Variants in JAKMIP2 observed in about 807,000 individuals in gnomAD.
JAKMIP2 encodes janus kinase and microtubule-interacting protein 2.
In JAKMIP2, 25 loss-of-function variants were observed where a neutral mutation model predicts 115.0. The ratio of observed to expected loss-of-function variants is 0.22; its 90% CI spans 0.16 to 0.30. The LOEUF (loss-of-function observed/expected upper bound fraction) is 0.30. JAKMIP2 is among the 10% of genes least tolerant of loss of function. JAKMIP2 has a pLI of 1.00. For missense variants in JAKMIP2, 642 were observed against 957.6 expected (o/e 0.67, Z 4.35); for synonymous variants, 334 against 343.6 (o/e 0.97, Z 0.31).
intron 1 of JAKMIP2, among the ~76,000 whole-genome samples, chr5:147,726,528 A>G (rs1210236845): frequency 2.0e-5 from 3 of 152,210 alleles, no homozygotes; most frequent in African/African-American, 4.8e-5. Flanking sequence ...TAAAGTTTTG[A>G]TTAATGGGAA....
At chr5:147,660,426 A>T (rs1336100289) in intron 3 of JAKMIP2, 1 of 450,194 alleles carries the variant, frequency 2.2e-6, no homozygotes, top group Admixed American at 2.4e-5. Flanking sequence ...ATGACTAGGG[A>T]TTTTATCATT....
chr5:147,694,257 G>A (rs1212576860), intron 1 of JAKMIP2, among the ~76,000 whole-genome samples: 1 of 152,052 alleles, frequency 6.6e-6, no homozygotes, highest in Non-Finnish European at 1.5e-5. Flanking sequence ...ATCCATTTTG[G>A]CTAGAGAGGA....
intron 4 of JAKMIP2, among the ~76,000 whole-genome samples, chr5:147,649,136 C>T (rs1034200260): frequency 6.6e-6 from 1 of 152,148 alleles, no homozygotes; most frequent in African/African-American, 2.4e-5. Flanking sequence ...TTATATAAGA[C>T]TGTTATTATC....
chr5:147,747,560 A>C (rs1051092353), intron 1 of JAKMIP2, among the ~76,000 whole-genome samples: 3 of 152,126 alleles, frequency 2.0e-5, no homozygotes, highest in Non-Finnish European at 4.4e-5. Context: ...TCACATAAAC[A>C]AATTCCATAG....
At chr5:147,633,709 T>TTC (rs928265310) in intron 12 of JAKMIP2, among the ~76,000 whole-genome samples, 6 of 151,726 alleles carry the variant, frequency 4.0e-5, no homozygotes, top group African/African-American at 1.5e-4. Context: ...TTTTTTTTTT[T>TTC]TTTGAGATGA....
At chr5:147,599,146 T>C (rs1306434609) in intron 21 of JAKMIP2, among the ~76,000 whole-genome samples, 1 of 152,218 alleles carries the variant, frequency 6.6e-6, no homozygotes, top group African/African-American at 2.4e-5. Flanking sequence ...TAATTTTGAA[T>C]TCAGTAAATG....
chr5:147,731,406 C>T (rs1217907004), intron 1 of JAKMIP2, among the ~76,000 whole-genome samples: 2 of 152,126 alleles, frequency 1.3e-5, no homozygotes, highest in Non-Finnish European at 2.9e-5. Context: ...CAGGTCTGGA[C>T]AATAAATTAT....
intron 2 of JAKMIP2, among the ~76,000 whole-genome samples, chr5:147,667,598 G>T (rs181341121): frequency 1.3e-5 from 2 of 152,270 alleles, no homozygotes; most frequent in East Asian, 3.9e-4. Flanking sequence ...ACAGTAAACT[G>T]GCAGGGATTT....
At chr5:147,729,634 C>T (rs371530599) in intron 1 of JAKMIP2, among the ~76,000 whole-genome samples, 1 of 151,770 alleles carries the variant, frequency 6.6e-6, no homozygotes, top group Non-Finnish European at 1.5e-5. Context: ...ATTAGCCGGG[C>T]GTGGTGGCGG....
At chr5:147,755,778 G>A (rs748236547) in intron 1 of JAKMIP2, among the ~76,000 whole-genome samples, 10 of 152,104 alleles carry the variant, frequency 6.6e-5, no homozygotes, top group South Asian at 2.1e-4. Context: ...CTCAGCCACC[G>A]GCATAGTTGG....
rs550174088 is a variant in JAKMIP2 at position 147,727,741 on chromosome 5, A to G, written c.-149+54715T>C. Among the ~76,000 whole-genome samples, 12 of 152,372 alleles carry G rather than the reference A, an allele frequency of 7.9e-5. 1 individual carries two copies. The highest frequency in any genetic ancestry group is 2.9e-4 in the African/African-American group (12 of 41,590). ...AGTACTACGGTTAAAAGTCAGCTCA[A>G]TTAAAAGCAGATATTCAAGCTATAG... On this transcript the variant is annotated intron_variant, in intron 1 of 21. Coordinates refer to ENST00000616793, the MANE Select transcript of JAKMIP2 (RefSeq NM_001270941.2).
chr5:147,776,953 A>G (rs1230117655), intron 1 of JAKMIP2, among the ~76,000 whole-genome samples: 1 of 152,106 alleles, frequency 6.6e-6, no homozygotes, highest in East Asian at 1.9e-4. Flanking sequence ...AATAAATTAA[A>G]AATTAAAAAA....
Position 147,670,834 on chromosome 5 carries a change from A to T in JAKMIP2, c.129+844T>A, listed in dbSNP as rs886892775. Among the ~76,000 whole-genome samples, 7 of 152,182 alleles carry T rather than the reference A, an allele frequency of 4.6e-5. 1 individual carries two copies. The highest frequency in any genetic ancestry group is 3.3e-4 in the Admixed American group (5 of 15,288). ...TTCAACAAATACATATTGAGATTTT[A>T]AGTTCTGGATATTATTTAGGCTCTA... On this transcript the variant is annotated intron_variant, in intron 2 of 21. Transcript: ENST00000616793.
chr5:147,662,500 G>A lies in JAKMIP2; in HGVS notation c.130-1055C>T, dbSNP rs79698165. Among the ~76,000 whole-genome samples the A allele has an allele frequency of 7.2e-3, 1,099 of 152,254 alleles. 47 individuals carry two copies. The East Asian group carries it at 0.13, about 18-fold the overall frequency. On this transcript the variant is annotated intron_variant, in intron 2 of 21. Transcript: ENST00000616793. ...CTACCTATTGATCTAATCTGGCTGT[G>A]AGTCTCTGATTCAGTAGATCAGGTG...
intron 20 of JAKMIP2, among the ~76,000 whole-genome samples, chr5:147,606,076 A>G (rs1755996667): frequency 6.6e-6 from 1 of 152,130 alleles, no homozygotes; most frequent in Admixed American, 6.5e-5. Context: ...TAGATTCTGG[A>G]TAACAGCCCT....
At chr5:147,748,584 A>C (rs1275549971) in intron 1 of JAKMIP2, among the ~76,000 whole-genome samples, 1 of 152,194 alleles carries the variant, frequency 6.6e-6, no homozygotes, top group Non-Finnish European at 1.5e-5. Flanking sequence ...GTGCCAATAG[A>C]AAAGGGCTAC....
At chr5:147,652,350 G>T (rs1332055892) in intron 3 of JAKMIP2, among the ~76,000 whole-genome samples, 2 of 152,098 alleles carry the variant, frequency 1.3e-5, no homozygotes, top group Non-Finnish European at 2.9e-5. Flanking sequence ...TTCCCAAAGT[G>T]GTTTCCTGTG....
At chr5:147,694,437 G>T (rs1303604945) in intron 1 of JAKMIP2, among the ~76,000 whole-genome samples, 1 of 152,118 alleles carries the variant, frequency 6.6e-6, no homozygotes, top group African/African-American at 2.4e-5. Flanking sequence ...CCCGGGTCAG[G>T]ACTTCCTGAG....
chr5:147,631,641 T>A (rs1458744609), intron 13 of JAKMIP2, 130 bp from the exon 14 acceptor site: 1 of 558,410 alleles, frequency 1.8e-6, no homozygotes, highest in Non-Finnish European at 3.1e-6. Context: ...AAATTCAATC[T>A]CAAGATGTTC....
Sources: allele counts gnomAD v4.1 joint callset (sites outside exome capture counted in the v4.1 genomes callset), GRCh38; gene constraint gnomAD v4.1.1; transcripts MANE v1.5; gene names NCBI Gene and HGNC (gene_info 2026-07-23, HGNC 2026-07-21).